Variants in PLPPR5 observed in about 807,000 individuals in gnomAD.
The protein encoded by PLPPR5 is phospholipid phosphatase related 5.
A neutral mutation model predicts 33.9 loss-of-function variants in PLPPR5; 16 were observed. The ratio of observed to expected loss-of-function variants is 0.47; its 90% CI spans 0.32 to 0.72. PLPPR5 has a LOEUF of 0.72. Ranked by LOEUF, PLPPR5 falls within the 30% of genes least tolerant of loss-of-function variation. The probability of loss-of-function intolerance (pLI) is 0.03; values close to 1 mark genes in which losing one functional copy is unlikely to be tolerated. For missense variants in PLPPR5, 301 were observed against 406.7 expected, an observed-to-expected ratio of 0.74 and a Z score of 2.23; for synonymous variants, 163 against 150.3, an observed-to-expected ratio of 1.08 and a Z score of -0.62.
At chr1:99,002,138 G>T (rs1303013452) in intron 1 of PLPPR5, among the ~76,000 whole-genome samples, 1 of 152,064 alleles carries the variant, frequency 6.6e-6, no homozygotes, top group East Asian at 1.9e-4. Context: ...ACTGCTCCCA[G>T]CTCCTCACAT....
chr1:98,919,561 T>G (rs1649472972), intron 4 of PLPPR5, among the ~76,000 whole-genome samples: 1 of 151,950 alleles, frequency 6.6e-6, no homozygotes, highest in South Asian at 2.1e-4. Flanking sequence ...CATAGAAGGC[T>G]CCCTGTGCCT....
chr1:98,961,181 C>T (rs1270646297), intron 1 of PLPPR5, among the ~76,000 whole-genome samples: 2 of 152,210 alleles, frequency 1.3e-5, no homozygotes, highest in Non-Finnish European at 2.9e-5. Flanking sequence ...CTGTTTTTCA[C>T]AGATGTTTTT....
intron 5 of PLPPR5, among the ~76,000 whole-genome samples, chr1:98,907,072 T>A (rs193298867): frequency 3.7e-4 from 57 of 152,296 alleles, no homozygotes; most frequent in African/African-American, 1.3e-3. Flanking sequence ...GCATTATTTG[T>A]TTTCTTATAT....
rs1453814675 is a variant in PLPPR5 at position 98,892,121 on chromosome 1, T to C, written c.*951A>G. 3 of 152,136 alleles carry C rather than the reference T, an allele frequency of 2.0e-5. No individual in the cohort carries two copies. The highest frequency in any genetic ancestry group is 4.4e-5 in the Non-Finnish European group (3 of 68,016). The allele number at this position is 152,136 out of a possible 1,614,324, so 9.4% of individuals were successfully genotyped here. A position where few individuals can be genotyped will look rare whatever the true frequency, so the allele number is the denominator to read the frequency against. ...TGCAAAGTAAAATACATTAACCATA[T>C]TTCTAGCATTTATATAATTTAAATT... On this transcript the variant is annotated 3_prime_UTR_variant, in exon 6 of 6. Transcript: ENST00000263177.
At chr1:98,991,804 G>A (rs550247864) in intron 1 of PLPPR5, among the ~76,000 whole-genome samples, 2 of 152,110 alleles carry the variant, frequency 1.3e-5, no homozygotes, top group Non-Finnish European at 2.9e-5. Context: ...TCAGTATCCT[G>A]TCCCAGTTGG....
chr1:98,931,016 T>TA (rs1198555689), intron 3 of PLPPR5, among the ~76,000 whole-genome samples: 1 of 152,192 alleles, frequency 6.6e-6, no homozygotes, highest in Non-Finnish European at 1.5e-5. Context: ...TAAGGCATGT[T>TA]AAGTTATCAA....
chr1:98,901,339 C>T (rs567951995), intron 5 of PLPPR5, among the ~76,000 whole-genome samples: 2 of 152,190 alleles, frequency 1.3e-5, no homozygotes, highest in South Asian at 4.1e-4. Flanking sequence ...ACATTTGGGA[C>T]TCACAGAAAC....
intron 1 of PLPPR5, among the ~76,000 whole-genome samples, chr1:98,970,712 G>A (rs189198869): frequency 7.9e-5 from 12 of 151,922 alleles, no homozygotes; most frequent in Admixed American, 6.6e-4. Flanking sequence ...GCACAAAGAG[G>A]TTAAGTAATT....
At chr1:98,994,735 T>C (rs1420156289) in intron 1 of PLPPR5, among the ~76,000 whole-genome samples, 3 of 152,166 alleles carry the variant, frequency 2.0e-5, no homozygotes, top group African/African-American at 7.2e-5. Flanking sequence ...CTTTTTGCTA[T>C]CTGCATGTTA....
intron 5 of PLPPR5, among the ~76,000 whole-genome samples, chr1:98,899,625 A>AAGACCTTC (rs1297373890): frequency 6.6e-6 from 1 of 151,962 alleles, no homozygotes; most frequent in African/African-American, 2.4e-5. Context: ...AAGTGTTAAG[A>AAGACCTTC]AGACCTTCAG....
chr1:98,952,975 A>T, intron 3 of PLPPR5, 95 bp downstream of exon 3: 1 of 1,435,430 alleles, frequency 7.0e-7, no homozygotes, highest in Non-Finnish European at 9.5e-7. Flanking sequence ...AATGTGCTTT[A>T]AGTGACTTTC....
rs556557622 is a variant in PLPPR5, at chr1:98,913,138, G to A, written c.933+1648C>T. On this transcript the variant is annotated intron_variant, in intron 5 of 5. Transcript: ENST00000263177. The stretch of plus-strand genomic sequence containing the variant: ...CCTCCAGAACAAATCTCATCCCTCT[G>A]TCATACAAGAGCCCTTCAGATTCTT... 4.6e-5 allele frequency among the ~76,000 whole-genome samples: 7 copies of A among 152,086 alleles called. No individual in the cohort carries two copies. The South Asian group carries it at 1.5e-3, about 32-fold the overall frequency.
chr1:99,005,170 G>C (rs59236958), upstream of PLPPR5: 11,462 of 150,102 alleles, frequency 0.076, 444 homozygotes, highest in East Asian at 0.15. Context: ...AAAATCAAAA[G>C]GGGGGGAGGG....
intron 1 of PLPPR5, among the ~76,000 whole-genome samples, chr1:99,001,954 T>A (rs1054953198): frequency 6.6e-6 from 1 of 151,942 alleles, no homozygotes; most frequent in Admixed American, 6.6e-5. Context: ...CTTTCAGAGA[T>A]AATGCAAATA....
chr1:98,913,926 C>T (rs1357653301), intron 5 of PLPPR5, among the ~76,000 whole-genome samples: 1 of 152,158 alleles, frequency 6.6e-6, no homozygotes, highest in African/African-American at 2.4e-5. Context: ...GAGGCCTTGG[C>T]CTACCAGTCC....
intron 1 of PLPPR5, among the ~76,000 whole-genome samples, chr1:98,985,037 CA>C (rs1231942946): frequency 6.6e-6 from 1 of 152,062 alleles, no homozygotes; most frequent in East Asian, 1.9e-4. Context: ...CAGAAAAGCT[CA>C]TTGGTCTCAA....
chr1:98,928,201 T>C (rs999771883), intron 3 of PLPPR5, among the ~76,000 whole-genome samples: 11 of 152,054 alleles, frequency 7.2e-5, no homozygotes, highest in Admixed American at 6.6e-4. Flanking sequence ...TTGGTTTTAA[T>C]GAAAAGGATT....
At position 98,946,995 on chromosome 1, in the gene PLPPR5, T is replaced by C. The variant is rs187406771; in HGVS notation, c.621+6075A>G. 1.4e-3 allele frequency among the ~76,000 whole-genome samples: 212 copies of C among 152,236 alleles called. 1 individual carries two copies. Among genetic ancestry groups the C allele is most frequent in the Non-Finnish European group, 2.3e-3 (154 of 68,018 alleles). Reference sequence around the variant, plus strand: ...TGAAGGCAAAAGTACCTAGGGTCCATGGAAGTCATAATACAGCCCTATCTT... The same window carrying C: ...TGAAGGCAAAAGTACCTAGGGTCCACGGAAGTCATAATACAGCCCTATCTT... On this transcript the variant is annotated intron_variant, in intron 3 of 5. Coordinates refer to ENST00000263177, the MANE Select transcript of PLPPR5 (RefSeq NM_001037317.2).
At chr1:98,940,469 A>C (rs1330605088) in intron 3 of PLPPR5, among the ~76,000 whole-genome samples, 2 of 151,970 alleles carry the variant, frequency 1.3e-5, no homozygotes, top group Non-Finnish European at 2.9e-5. Context: ...GAAAAAATTT[A>C]GTCCATAACT....
Sources: gnomAD v4.1 joint callset for allele counts (sites outside exome capture counted in the v4.1 genomes callset) on GRCh38, gnomAD v4.1.1 for gene constraint, MANE v1.5 for transcripts, NCBI Gene and HGNC (gene_info 2026-07-23, HGNC 2026-07-21) for gene names.